The following SHROOM3 variants were observed in gnomAD, a reference collection of about 807,000 sequenced individuals.
SHROOM3 encodes the protein protein Shroom3.
A neutral mutation model predicts 138.6 loss-of-function variants in SHROOM3; 47 were observed. The observed-to-expected ratio is 0.34, with a 90% CI of 0.27 to 0.43. The LOEUF (loss-of-function observed/expected upper bound fraction) is 0.43. Among genes scored for constraint, SHROOM3 ranks in the 20% least tolerant of loss-of-function variants. The probability of loss-of-function intolerance (pLI) is 1.00; values close to 1 mark genes in which losing one functional copy is unlikely to be tolerated. For synonymous variants in SHROOM3, 1,062 were observed against 1,063.3 expected, an observed-to-expected ratio of 1.00 and a Z score of 0.02; for missense variants, 2,491 against 2,596.5, an observed-to-expected ratio of 0.96 and a Z score of 0.88.
chr4:76,527,141 T>C (rs1478483761), intron 1 of SHROOM3, among the ~76,000 whole-genome samples: 1 of 152,108 alleles, frequency 6.6e-6, no homozygotes, highest in Non-Finnish European at 1.5e-5. Context: ...AAAGATCCAT[T>C]ATGTAGAGGT....
chr4:76,636,927 A>G (rs541998325), intron 2 of SHROOM3, among the ~76,000 whole-genome samples: 4 of 152,338 alleles, frequency 2.6e-5, no homozygotes, highest in South Asian at 2.1e-4. Context: ...ATTTATTTCA[A>G]TGATTAATAT....
Position 76,780,909 on chromosome 4 carries a change from A to G in SHROOM3, c.*1732A>G, listed in dbSNP as rs939324968. 1.3e-5 allele frequency: 2 copies of G among 152,184 alleles called. No individual in the cohort carries two copies. Among genetic ancestry groups the G allele is most frequent in the African/African-American group, 4.8e-5 (2 of 41,432 alleles). 9.4% of individuals were successfully genotyped at this position (152,184 alleles called of 1,614,324 possible). A position where few individuals can be genotyped will look rare whatever the true frequency, so the allele number is the denominator to read the frequency against. On this transcript the variant is annotated 3_prime_UTR_variant, in exon 11 of 11. Transcript: ENST00000296043. ...AGTCTTAGGCCAACATGGGAGCCTG[A>G]AATTAACTCCATCAGTAACTACCTG...
intron 1 of SHROOM3, among the ~76,000 whole-genome samples, chr4:76,545,141 T>C (rs951827811): frequency 2.6e-5 from 4 of 152,324 alleles, no homozygotes; most frequent in Non-Finnish European, 5.9e-5. Context: ...TCAGATCTTT[T>C]CTAACAGGAG....
chr4:76,662,582 T>C (rs1397631679), intron 2 of SHROOM3, among the ~76,000 whole-genome samples: 3 of 152,236 alleles, frequency 2.0e-5, no homozygotes, highest in Non-Finnish European at 4.4e-5. Context: ...TCACAATCGA[T>C]GTTTGAATAA....
intron 2 of SHROOM3, among the ~76,000 whole-genome samples, chr4:76,561,126 G>A (rs939848915): frequency 6.6e-6 from 1 of 152,182 alleles, no homozygotes. Flanking sequence ...GGAAAATTGA[G>A]CCCCTTTTCA....
chr4:76,507,685 C>T lies in SHROOM3; in HGVS notation c.169-47924C>T, dbSNP rs556403175. ...TCCCGAGTAGCTGGGACTACAGGCG[C>T]CCGCCACCATGCCTGGCCTGGCTAA... On this transcript the variant is annotated intron_variant, in intron 1 of 10. Coordinates refer to ENST00000296043, the MANE Select transcript of SHROOM3 (RefSeq NM_020859.4). Among the ~76,000 whole-genome samples the T allele has an allele frequency of 5.3e-5, 8 of 152,008 alleles. No homozygotes were observed. The South Asian group carries it at 1.7e-3, about 32-fold the overall frequency.
At position 76,782,479 on chromosome 4, in the gene SHROOM3, G is replaced by GCTTTAAATTCAT. The variant is rs1309130633; in HGVS notation, c.*3302_*3303insCTTTAAATTCAT. The GCTTTAAATTCAT allele has an allele frequency of 6.6e-6, 1 of 152,134 alleles. No individual in the cohort carries two copies. Among genetic ancestry groups the GCTTTAAATTCAT allele is most frequent in the Non-Finnish European group, 1.5e-5 (1 of 68,032 alleles). The allele number at this position is 152,134 out of a possible 1,614,324, so 9.4% of individuals were successfully genotyped here. A position where few individuals can be genotyped will look rare whatever the true frequency, so the allele number is the denominator to read the frequency against. ...TCTAAAATAATTCATGAGTTTAAAT[G>GCTTTAAATTCAT]GTAAATATATGCTTTAAGCTCTACC... On this transcript the variant is annotated 3_prime_UTR_variant, in exon 11 of 11. Transcript: ENST00000296043.
chr4:76,648,357 C>A (rs911782655), intron 2 of SHROOM3, among the ~76,000 whole-genome samples: 7 of 152,056 alleles, frequency 4.6e-5, no homozygotes, highest in Non-Finnish European at 1.0e-4. Context: ...AAACAAAAAA[C>A]CAATGCTTAA....
At position 76,647,899 on chromosome 4, in the gene SHROOM3, A is replaced by AAAT. The variant is rs890328954; in HGVS notation, c.324-62243_324-62241dup. On this transcript the variant is annotated intron_variant, in intron 2 of 10. Coordinates refer to ENST00000296043, the MANE Select transcript of SHROOM3 (RefSeq NM_020859.4). ...GGGAGACACAGCTAGACTCTGTCTC[A>AAAT]AATAATAATAATAATACAGAAAAAA... 5.3e-5 allele frequency among the ~76,000 whole-genome samples: 8 copies of AAAT among 152,156 alleles called. No individual in the cohort carries two copies. In the East Asian group the frequency reaches 1.2e-3, roughly 22 times the overall value.
At chr4:76,691,883 C>T (rs543044013) in intron 2 of SHROOM3, among the ~76,000 whole-genome samples, 1 of 152,174 alleles carries the variant, frequency 6.6e-6, no homozygotes, top group South Asian at 2.1e-4. Context: ...AAGTTCTGTT[C>T]GAGGATGTTT....
rs1342379681 is a variant in SHROOM3 at position 76,759,657 on chromosome 4, A to C, written c.5311A>C (p.Asn1771His). Residue 1771 changes from asparagine to histidine, a missense_variant, in exon 9 of 11, where the codon AAT (asparagine) becomes CAT (histidine). Around this residue, in one of 4 missense-constraint regions of SHROOM3, gnomAD observed 470 missense variants for 595.0 expected, o/e 0.79. Transcript: ENST00000296043. Reference protein sequence around the residue: ...NKIKEMPAEVNEEEEQADVNE... With the variant: ...NKIKEMPAEVHEEEEQADVNE... ...AATCAAAGAGATGCCAGCAGAAGTG[A>C]ATGAGGAAGAGGAACAGGCAGATGT... The C allele has an allele frequency of 6.2e-7, 1 of 1,614,082 alleles. No individual in the cohort carries two copies. The highest frequency in any genetic ancestry group is 8.5e-7 in the Non-Finnish European group (1 of 1,180,038).
At position 76,755,257 on chromosome 4, in the gene SHROOM3, G is replaced by A. The variant is rs1721768904; in HGVS notation, c.4709+65G>A. ...AGAGTGTCATGCCCCAGGTGGCCCA[G>A]GTCCTTCTGCTGGCCACAGAAGAAC... On this transcript the variant is annotated intron_variant, in intron 7 of 10. Transcript: ENST00000296043. The A allele has an allele frequency of 3.2e-6, 5 of 1,567,490 alleles. No homozygotes were observed. In the East Asian group the frequency reaches 1.2e-4, roughly 37 times the overall value.
chr4:76,556,146 T>C lies in SHROOM3; in HGVS notation c.323+383T>C, dbSNP rs1462600890. On this transcript the variant is annotated intron_variant, in intron 2 of 10. Coordinates refer to ENST00000296043, the MANE Select transcript of SHROOM3 (RefSeq NM_020859.4). ...TTGGCTTGGAGCTTTCAGTGGCATT[T>C]TGGGAACCACACCTGCATCACAGGG... Among the ~76,000 whole-genome samples, 7 of 152,194 alleles carry C rather than the reference T, an allele frequency of 4.6e-5. No individual in the cohort carries two copies. The East Asian group carries it at 1.2e-3, about 25-fold the overall frequency.
intron 1 of SHROOM3, among the ~76,000 whole-genome samples, chr4:76,552,710 A>G (rs1579232114): frequency 1.3e-5 from 2 of 151,802 alleles, no homozygotes; most frequent in South Asian, 4.1e-4. Flanking sequence ...ATATATGTAT[A>G]TATATAATTG....
chr4:76,448,022 T>A (rs1018490025), intron 1 of SHROOM3, among the ~76,000 whole-genome samples: 2 of 152,056 alleles, frequency 1.3e-5, no homozygotes, highest in Non-Finnish European at 2.9e-5. Flanking sequence ...GAGGATTCCA[T>A]GGTATAAAAA....
At chr4:76,587,497 A>G (rs988590321) in intron 2 of SHROOM3, among the ~76,000 whole-genome samples, 2 of 152,186 alleles carry the variant, frequency 1.3e-5, no homozygotes, top group African/African-American at 4.8e-5. Context: ...GATTCTGTTC[A>G]AGTGATAAAC....
At chr4:76,579,886 C>T (rs1250297052) in intron 2 of SHROOM3, among the ~76,000 whole-genome samples, 1 of 152,174 alleles carries the variant, frequency 6.6e-6, no homozygotes, top group Non-Finnish European at 1.5e-5. Flanking sequence ...TTGTGTCTTA[C>T]TCTTTGATCT....
At chr4:76,449,730 T>C (rs1730885618) in intron 1 of SHROOM3, among the ~76,000 whole-genome samples, 1 of 152,238 alleles carries the variant, frequency 6.6e-6, no homozygotes, top group African/African-American at 2.4e-5. Context: ...TTTTGTGTCA[T>C]ATAATTCATG....
intron 1 of SHROOM3, among the ~76,000 whole-genome samples, chr4:76,490,570 A>G (rs114926932): frequency 1.3e-5 from 2 of 151,978 alleles, no homozygotes; most frequent in Admixed American, 6.5e-5. Flanking sequence ...TGGTCCTTTT[A>G]TTACTTAGGC....
Sources: allele counts gnomAD v4.1 joint callset (sites outside exome capture counted in the v4.1 genomes callset), GRCh38; gene constraint gnomAD v4.1.1; regional missense constraint gnomAD v4.1.1; transcripts MANE v1.5; gene names NCBI Gene and HGNC (gene_info 2026-07-23, HGNC 2026-07-21).